Variants in CCDC124 observed in about 807,000 individuals in gnomAD.
The protein encoded by CCDC124 is coiled-coil domain-containing protein 124.
In CCDC124, 9 loss-of-function variants were observed where a neutral mutation model predicts 19.8. The ratio of observed to expected loss-of-function variants is 0.45; its 90% CI spans 0.27 to 0.79. The LOEUF (loss-of-function observed/expected upper bound fraction) is 0.79, where lower values mean the gene tolerates loss of function less well. Among genes scored for constraint, CCDC124 ranks in the 30% least tolerant of loss-of-function variants. The probability of loss-of-function intolerance (pLI) is 0.14; values close to 1 mark genes in which losing one functional copy is unlikely to be tolerated. For synonymous variants in CCDC124, 126 were observed against 131.3 expected (o/e 0.96, Z 0.27); for missense variants, 285 against 319.0 (o/e 0.89, Z 0.81).
Position 17,933,063 on chromosome 19 carries a change from G to C in CCDC124, c.-12+15G>C, listed in dbSNP as rs898088365. 6.6e-6 allele frequency: 1 copy of C among 152,552 alleles called. No individual in the cohort carries two copies. The highest frequency in any genetic ancestry group is 1.5e-5 in the Non-Finnish European group (1 of 68,326). 9.4% of individuals were successfully genotyped at this position (152,552 alleles called of 1,614,324 possible). On this transcript the variant is annotated intron_variant, in intron 1 of 4. Transcript: ENST00000445755. Reference sequence around the variant, plus strand: ...GGGGTAAGAAGGTAGGAGCGTCTGCGGCGCGGGCGGAACCCGGGTTCGGGG... The same window carrying C: ...GGGGTAAGAAGGTAGGAGCGTCTGCCGCGCGGGCGGAACCCGGGTTCGGGG...
rs2031200113 is a variant in CCDC124 at position 17,942,245 on chromosome 19, C to T, written c.160-411C>T. Among the ~76,000 whole-genome samples, 1 of 151,896 alleles carries T rather than the reference C, an allele frequency of 6.6e-6. No homozygotes were observed. The highest frequency in any genetic ancestry group is 1.5e-5 in the Non-Finnish European group (1 of 67,938). ...ACCCCTCCCTGGCCCCCAGAGGCTC[C>T]GCATGGCCCAGCCGTCTCCCTCCCG... On this transcript the variant is annotated intron_variant, in intron 2 of 4. Transcript: ENST00000445755. The surrounding 1 kb of genome is among the most constrained non-coding windows in gnomAD (Gnocchi z 4.2).
chr19:17,937,328 G>A (rs972619631), intron 2 of CCDC124, among the ~76,000 whole-genome samples: 1 of 152,096 alleles, frequency 6.6e-6, no homozygotes, highest in East Asian at 1.9e-4. Flanking sequence ...TGGCAGAGGG[G>A]AGGGAGGCAG....
Position 17,943,241 on chromosome 19 carries a change from T to TCTGGCCCCC in CCDC124, c.350-19_350-18insTGGCCCCCC. ...CTTTGCTTATCTCTCTCTGTCTCTG[T>TCTGGCCCCC]CACCCACCCACCCGCCCAGCCGAGA... On this transcript the variant is annotated intron_variant, in intron 3 of 4. Coordinates refer to ENST00000445755, the MANE Select transcript of CCDC124 (RefSeq NM_001136203.2). 9.5e-6 allele frequency: 7 copies of TCTGGCCCCC among 736,646 alleles called. No homozygotes were observed. Among genetic ancestry groups the TCTGGCCCCC allele is most frequent in the Non-Finnish European group, 1.4e-5 (6 of 414,952 alleles). 45.6% of individuals were successfully genotyped at this position (736,646 alleles called of 1,614,324 possible).
At chr19:17,937,711 A>C (rs545033819) in intron 2 of CCDC124, among the ~76,000 whole-genome samples, 34 of 152,062 alleles carry the variant, frequency 2.2e-4, no homozygotes, top group African/African-American at 8.2e-4. Context: ...CCAGGTCCAC[A>C]GGTTCTTCTA....
Position 17,942,778 on chromosome 19 carries a change from G to A in CCDC124, c.282G>A (p.Lys94=). Residue 94 remains lysine (K), a synonymous_variant, in exon 3 of 5, where the codon AAG becomes AAA. Coordinates refer to ENST00000445755, the MANE Select transcript of CCDC124 (RefSeq NM_001136203.2). This position sits in a 1 kb window ranked among gnomAD's most constrained non-coding sequence, Gnocchi z 4.2. The part of the protein sequence containing the change: ...GKAPRVATSS[K]VTRAQIEDTL... ...CGCCGCGGGTGGCCACGTCCAGCAAGGTCACCCGGGCCCAGATCGAGGACA... is the reference window on the plus strand; with the variant it reads ...CGCCGCGGGTGGCCACGTCCAGCAAAGTCACCCGGGCCCAGATCGAGGACA... 3 of 1,547,582 alleles carry A rather than the reference G, an allele frequency of 1.9e-6. No individual in the cohort carries two copies. Among genetic ancestry groups the A allele is most frequent in the African/African-American group, 2.7e-5 (2 of 73,094 alleles).
At chr19:17,943,459 CG>C (rs1427102923) in intron 4 of CCDC124, 48 bp from the exon 5 acceptor site, 1 of 1,586,170 alleles carries the variant, frequency 6.3e-7, no homozygotes, top group South Asian at 1.1e-5. Flanking sequence ...CCGGGCTTTT[CG>C]GGGCAAGGCT....
In CCDC124 at chr19:17,942,366, C is replaced by T. The variant is rs2031202964; in HGVS notation, c.160-290C>T. 1.3e-5 allele frequency among the ~76,000 whole-genome samples: 2 copies of T among 152,192 alleles called. No individual in the cohort carries two copies. Among genetic ancestry groups the T allele is most frequent in the South Asian group, 4.1e-4 (2 of 4,836 alleles). ...CCTCGGCGCCTTTGCACTGGTAGCC[C>T]TGCTGCTAAGGACGCTCCTGTTCCC... is the stretch of plus-strand genomic sequence containing the variant. On this transcript the variant is annotated intron_variant, in intron 2 of 4. Transcript: ENST00000445755. This position sits in a 1 kb window ranked among gnomAD's most constrained non-coding sequence, Gnocchi z 4.2.
rs1219135971 is a variant in CCDC124, at chr19:17,943,607, C to A, written c.564C>A (p.Asn188Lys). ...EAQLPRLKQENPNMRLSQLKQ... is the reference protein window; with the variant it reads ...EAQLPRLKQEKPNMRLSQLKQ... ...AGCTGCCGCGGCTCAAACAAGAGAACCCCAACATGCGGCTGTCGCAGCTGA... is the reference window on the plus strand; with the variant it reads ...AGCTGCCGCGGCTCAAACAAGAGAAACCCAACATGCGGCTGTCGCAGCTGA... The change falls in exon 5 of 5, where the codon AAC (asparagine) becomes AAA (lysine). Residue 188 changes from asparagine to lysine, a missense_variant. Physicochemically the swap from Asn to Lys is moderately conservative, Grantham distance 94. Coordinates refer to ENST00000445755, the MANE Select transcript of CCDC124 (RefSeq NM_001136203.2). 1.2e-6 allele frequency: 2 copies of A among 1,612,924 alleles called. No individual in the cohort carries two copies. The highest frequency in any genetic ancestry group is 1.3e-5 in the African/African-American group (1 of 74,932).
chr19:17,941,854 G>C (rs1044900880), intron 2 of CCDC124, among the ~76,000 whole-genome samples: 12 of 152,210 alleles, frequency 7.9e-5, no homozygotes, highest in Admixed American at 2.0e-4. Context: ...GAAGGTGTGA[G>C]AGTCAGATGG....
At position 17,942,878 on chromosome 19, in the gene CCDC124, T is replaced by C. The variant is rs1203595976; in HGVS notation, c.349+33T>C. 2 of 1,474,104 alleles carry C rather than the reference T, an allele frequency of 1.4e-6. No homozygotes were observed. The highest frequency in any genetic ancestry group is 1.4e-5 in the African/African-American group (1 of 70,330). The allele number at this position is 1,474,104 out of a possible 1,614,324, so 91.3% of individuals were successfully genotyped here. On this transcript the variant is annotated intron_variant, in intron 3 of 4. Coordinates refer to ENST00000445755, the MANE Select transcript of CCDC124 (RefSeq NM_001136203.2). This position sits in a 1 kb window ranked among gnomAD's most constrained non-coding sequence, Gnocchi z 4.2. The stretch of plus-strand genomic sequence containing the variant: ...GGCATCCCGCTCTGGAGCTGCACTT[T>C]TGCCCACTGCAGAGGCAGTGGACCT...
chr19:17,933,789 C>G (rs888947745), intron 1 of CCDC124, among the ~76,000 whole-genome samples: 3 of 152,208 alleles, frequency 2.0e-5, no homozygotes, highest in African/African-American at 7.2e-5. Flanking sequence ...CCGGGCTTCC[C>G]CGGCGCCCTG....
chr19:17,943,824 C>A lies in CCDC124; in HGVS notation c.*109C>A. The A allele has an allele frequency of 1.8e-6, 2 of 1,121,142 alleles. No homozygotes were observed. Among genetic ancestry groups the A allele is most frequent in the Non-Finnish European group, 2.6e-6 (2 of 778,308 alleles). The allele number at this position is 1,121,142 out of a possible 1,614,324, so 69.4% of individuals were successfully genotyped here. ...TCACAGAGCGTTCCGGGGGCCAAGG[C>A]GCCGGGCCCCGGGGCCATGCTCTTA... On this transcript the variant is annotated 3_prime_UTR_variant, in exon 5 of 5. Coordinates refer to ENST00000445755, the MANE Select transcript of CCDC124 (RefSeq NM_001136203.2).
chr19:17,937,469 C>T (rs2031090562), intron 2 of CCDC124, among the ~76,000 whole-genome samples: 1 of 152,136 alleles, frequency 6.6e-6, no homozygotes, highest in East Asian at 1.9e-4. Context: ...TGGTCATTCT[C>T]ACCGTGGAGC....
intron 2 of CCDC124, among the ~76,000 whole-genome samples, chr19:17,941,079 A>G (rs1338323873): frequency 6.6e-6 from 1 of 151,588 alleles, no homozygotes; most frequent in African/African-American, 2.4e-5. Context: ...AACACAAAAA[A>G]CCTTTACCAA....
Position 17,942,780 on chromosome 19 carries a change from T to C in CCDC124, c.284T>C (p.Val95Ala), listed in dbSNP as rs1568439453. Residue 95 changes from valine to alanine, a missense_variant, in exon 3 of 5, where the codon GTC becomes GCC. Val to Ala is a moderately conservative substitution (Grantham distance 64, BLOSUM62 0). Transcript: ENST00000445755. This position sits in a 1 kb window ranked among gnomAD's most constrained non-coding sequence, Gnocchi z 4.2. ...CCGCGGGTGGCCACGTCCAGCAAGG[T>C]CACCCGGGCCCAGATCGAGGACACG... The part of the protein sequence containing the change: ...KAPRVATSSK[V>A]TRAQIEDTLR... The C allele has an allele frequency of 6.5e-7, 1 of 1,547,370 alleles. No individual in the cohort carries two copies. The highest frequency in any genetic ancestry group is 2.4e-5 in the East Asian group (1 of 40,902).
chr19:17,942,904 TG>T lies in CCDC124; in HGVS notation c.349+60del. 1 of 1,448,264 alleles carries T rather than the reference TG, an allele frequency of 6.9e-7. No individual in the cohort carries two copies. Among genetic ancestry groups the T allele is most frequent in the East Asian group, 2.5e-5 (1 of 40,144 alleles). 89.7% of individuals were successfully genotyped at this position (1,448,264 alleles called of 1,614,324 possible). On this transcript the variant is annotated intron_variant, in intron 3 of 4. Transcript: ENST00000445755. This position sits in a 1 kb window ranked among gnomAD's most constrained non-coding sequence, Gnocchi z 4.2. ...TGCCCACTGCAGAGGCAGTGGACCT[TG>T]AGTCCATTAGCCCCCTCCTGGCCCC...
intron 1 of CCDC124, among the ~76,000 whole-genome samples, chr19:17,934,908 GTTTCC>G (rs911430031): frequency 3.6e-5 from 3 of 82,390 alleles, no homozygotes; most frequent in African/African-American, 1.7e-4. Flanking sequence ...TTGTTTCCTT[GTTTCC>G]TTTTTTTTTT....
At position 17,936,472 on chromosome 19, in the gene CCDC124, C is replaced by T. The variant is rs201571460; in HGVS notation, c.52C>T (p.Arg18Cys). 51 of 1,613,190 alleles carry T rather than the reference C, an allele frequency of 3.2e-5. No individual in the cohort carries two copies. Among genetic ancestry groups the T allele is most frequent in the African/African-American group, 4.0e-5 (3 of 75,022 alleles). ...CACCAAGTCGGCAGCGGCCCGGGCA[C>T]GTAGGGCAGAGGCCAAGGCGGCCGC... ...ENTKSAAARA[R>C]RAEAKAAADA... Residue 18 changes from arginine to cysteine, a missense_variant, in exon 2 of 5, where the codon CGT becomes TGT. Arg to Cys is a radical substitution (Grantham distance 180). Coordinates refer to ENST00000445755, the MANE Select transcript of CCDC124 (RefSeq NM_001136203.2).
intron 2 of CCDC124, among the ~76,000 whole-genome samples, chr19:17,940,372 T>C (rs1318829263): frequency 6.6e-6 from 1 of 152,000 alleles, no homozygotes; most frequent in Non-Finnish European, 1.5e-5. Context: ...AGCTTAGACT[T>C]CACTTAGGGC....
Sources: gnomAD v4.1 joint callset for allele counts (sites outside exome capture counted in the v4.1 genomes callset) on GRCh38, gnomAD v4.1.1 for gene constraint, Gnocchi (gnomAD v3.1) non-coding constraint, MANE v1.5 for transcripts, NCBI Gene and HGNC (gene_info 2026-07-23, HGNC 2026-07-21) for gene names.